The following HPCAL4 variants were observed in gnomAD, a reference collection of about 807,000 sequenced individuals.
HPCAL4 encodes hippocalcin like 4, also known as hippocalcin-like protein 4.
HPCAL4 carries 16 observed loss-of-function variants against 18.2 expected under a neutral mutation model. That is an observed-to-expected ratio of 0.88 (90% CI 0.59 to 1.33). The LOEUF is 1.33. Ranked by LOEUF, HPCAL4 falls within the 40% of genes most tolerant of loss-of-function variation. The probability of loss-of-function intolerance (pLI) is 0.00; values close to 1 mark genes in which losing one functional copy is unlikely to be tolerated. For synonymous variants in HPCAL4, 80 were observed against 97.5 expected, an observed-to-expected ratio of 0.82 and a Z score of 1.06; for missense variants, 214 against 256.6, an observed-to-expected ratio of 0.83 and a Z score of 1.14.
intron 1 of HPCAL4, among the ~76,000 whole-genome samples, chr1:39,686,816 A>G (rs1329092397): frequency 6.6e-6 from 1 of 152,132 alleles, no homozygotes; most frequent in Admixed American, 6.5e-5. Context: ...GTTTCCCAGG[A>G]CATGGCTTGG....
chr1:39,687,872 G>A (rs1185797481), intron 1 of HPCAL4, among the ~76,000 whole-genome samples: 1 of 151,536 alleles, frequency 6.6e-6, no homozygotes, highest in Non-Finnish European at 1.5e-5. Flanking sequence ...CACTGCACTC[G>A]AGCCTGGGCA....
In HPCAL4 at chr1:39,681,628, CT is replaced by C. The variant is rs1259363150; in HGVS notation, c.*907del. On this transcript the variant is annotated 3_prime_UTR_variant, in exon 4 of 4. Coordinates refer to ENST00000372844, the MANE Select transcript of HPCAL4 (RefSeq NM_016257.4). ...TCCCTTTCTTCTCAGGTTTTTTCCC[CT>C]TGAAAATTAATATTTTCTCTATTCA... The C allele has an allele frequency of 6.6e-6, 1 of 152,058 alleles. No individual in the cohort carries two copies. Among genetic ancestry groups the C allele is most frequent in the East Asian group, 1.9e-4 (1 of 5,194 alleles). 9.4% of individuals were successfully genotyped at this position (152,058 alleles called of 1,614,324 possible). A position where few individuals can be genotyped will look rare whatever the true frequency, so the allele number is the denominator to read the frequency against.
chr1:39,689,319 G>A (rs1557756222), intron 1 of HPCAL4, among the ~76,000 whole-genome samples: 1 of 152,038 alleles, frequency 6.6e-6, no homozygotes, highest in Non-Finnish European at 1.5e-5. Flanking sequence ...GCTCTGTGGA[G>A]ACGCAGTGGC....
chr1:39,683,918 C>A lies in HPCAL4; in HGVS notation c.378+19G>T, dbSNP rs1318494308. 3.6e-5 allele frequency: 58 copies of A among 1,605,680 alleles called. No individual in the cohort carries two copies. Among genetic ancestry groups the A allele is most frequent in the Non-Finnish European group, 4.8e-5 (56 of 1,175,208 alleles). The stretch of plus-strand genomic sequence containing the variant: ...GAAGCGCTGGCCTCGGGAACAGCAG[C>A]GCCCGCGCGGCCCCGCACCTCGATG... On this transcript the variant is annotated intron_variant, in intron 3 of 3. Transcript: ENST00000372844.
intron 1 of HPCAL4, among the ~76,000 whole-genome samples, chr1:39,690,887 A>G (rs1646712432): frequency 6.6e-6 from 1 of 151,662 alleles, no homozygotes; most frequent in African/African-American, 2.4e-5. Context: ...CTATCCGTGG[A>G]GGTGGGAGTT....
At chr1:39,682,964 A>G (rs760406130) in intron 3 of HPCAL4, among the ~76,000 whole-genome samples, 1 of 151,996 alleles carries the variant, frequency 6.6e-6, no homozygotes, top group Non-Finnish European at 1.5e-5. Flanking sequence ...GCTTACTGCA[A>G]CCTCTGCCTC....
At chr1:39,690,125 T>A (rs1646706657) in intron 1 of HPCAL4, among the ~76,000 whole-genome samples, 1 of 151,996 alleles carries the variant, frequency 6.6e-6, no homozygotes, top group South Asian at 2.1e-4. Context: ...CTTCAGTGAG[T>A]TCTAAACCAA....
rs1646621396 is a variant in HPCAL4, at chr1:39,680,974, T to C, written c.*1562A>G. On this transcript the variant is annotated 3_prime_UTR_variant, in exon 4 of 4. Coordinates refer to ENST00000372844, the MANE Select transcript of HPCAL4 (RefSeq NM_016257.4). ...CCCTGGGCTGACAGCACCTGTGTACTAGACTGTTTTCACCGGCAGTTCAAG... is the reference window on the plus strand; with the variant it reads ...CCCTGGGCTGACAGCACCTGTGTACCAGACTGTTTTCACCGGCAGTTCAAG... 1 of 152,692 alleles carries C rather than the reference T, an allele frequency of 6.5e-6. No homozygotes were observed. The allele number at this position is 152,692 out of a possible 1,614,324, so 9.5% of individuals were successfully genotyped here.
chr1:39,688,833 C>T (rs1200565139), intron 1 of HPCAL4, among the ~76,000 whole-genome samples: 1 of 152,214 alleles, frequency 6.6e-6, no homozygotes, highest in African/African-American at 2.4e-5. Context: ...AATCAGTCTT[C>T]AGGGCCTGGT....
intron 1 of HPCAL4, among the ~76,000 whole-genome samples, chr1:39,689,134 G>C (rs1433300796): frequency 6.6e-6 from 1 of 152,188 alleles, no homozygotes; most frequent in East Asian, 1.9e-4. Context: ...GTTGAAGCGT[G>C]AGAAAAGTTT....
chr1:39,684,678 C>G (rs1265956036), intron 1 of HPCAL4, 67 bp from the exon 2 acceptor site: 6 of 1,378,690 alleles, frequency 4.4e-6, no homozygotes, highest in Admixed American at 2.6e-5. Context: ...CAGCTGCCCC[C>G]TCCCCTGCCA....
Position 39,684,471 on chromosome 1 carries a change from G to T in HPCAL4, c.133C>A (p.Leu45Met). Residue 45 changes from leucine to methionine, a missense_variant, in exon 2 of 4, where the codon CTG (leucine) becomes ATG (methionine). By Grantham distance (15) the Leu-to-Met change is conservative. Coordinates refer to ENST00000372844, the MANE Select transcript of HPCAL4 (RefSeq NM_016257.4). Reference protein sequence around the residue: ...LKDCPSGILNLEEFQQLYIKF... With the variant: ...LKDCPSGILNMEEFQQLYIKF... ...ATGTAGAGCTGCTGAAACTCCTCCA[G>T]GTTGAGGATGCCGCTGGGGCAGTCC... The T allele has an allele frequency of 6.2e-7, 1 of 1,611,388 alleles. No individual in the cohort carries two copies.
Position 39,680,951 on chromosome 1 carries a change from C to G in HPCAL4, c.*1585G>C, listed in dbSNP as rs1646621146. The G allele has an allele frequency of 6.5e-6, 1 of 152,688 alleles. No individual in the cohort carries two copies. Among genetic ancestry groups the G allele is most frequent in the South Asian group, 2.1e-4 (1 of 4,832 alleles). 9.5% of individuals were successfully genotyped at this position (152,688 alleles called of 1,614,324 possible). ...TCAGCAATCATTTCCTGCTCCCACCCTGGGCTGACAGCACCTGTGTACTAG... is the reference window on the plus strand; with the variant it reads ...TCAGCAATCATTTCCTGCTCCCACCGTGGGCTGACAGCACCTGTGTACTAG... On this transcript the variant is annotated 3_prime_UTR_variant, in exon 4 of 4. Transcript: ENST00000372844.
chr1:39,684,677 C>G, intron 1 of HPCAL4, 66 bp from the exon 2 acceptor site: 1 of 1,378,230 alleles, frequency 7.3e-7, no homozygotes, highest in East Asian at 2.6e-5. Context: ...ACAGCTGCCC[C>G]CTCCCCTGCC....
chr1:39,678,918 C>T lies in HPCAL4; in HGVS notation c.*3618G>A, dbSNP rs569029166. 6.6e-6 allele frequency: 1 copy of T among 152,184 alleles called. No individual in the cohort carries two copies. The highest frequency in any genetic ancestry group is 1.9e-4 in the East Asian group (1 of 5,188). 9.4% of individuals were successfully genotyped at this position (152,184 alleles called of 1,614,324 possible). ...ACCCTGGCAGGCCCAGTCCTGCCCC[C>T]ACACTCTGGCAAAGGTAAAAAGAAA... On this transcript the variant is annotated 3_prime_UTR_variant, in exon 4 of 4. Coordinates refer to ENST00000372844, the MANE Select transcript of HPCAL4 (RefSeq NM_016257.4).
chr1:39,689,509 C>T (rs1646701830), intron 1 of HPCAL4, among the ~76,000 whole-genome samples: 1 of 152,332 alleles, frequency 6.6e-6, no homozygotes, highest in Admixed American at 6.5e-5. Context: ...GGGTTCACCC[C>T]AGGTCAACTA....
At position 39,683,978 on chromosome 1, in the gene HPCAL4, CG is replaced by C; in HGVS notation, c.336del (p.Asp113ThrfsTer23). ...NWAFEMYDLD[G>X]DGRITRLEML... The stretch of plus-strand genomic sequence containing the variant: ...ATCTCCAGGCGCGTGATGCGCCCGT[CG>C]CCGTCCAGGTCGTACATCTCAAAGG... On this transcript the variant is annotated frameshift_variant, in exon 3 of 4. Transcript: ENST00000372844. LOFTEE classifies it high-confidence loss of function. 6.2e-7 allele frequency: 1 copy of C among 1,613,932 alleles called. No individual in the cohort carries two copies.
In HPCAL4 at chr1:39,683,991, G is replaced by T. The variant is rs1646650242; in HGVS notation, c.324C>A (p.Tyr108Ter). The T allele has an allele frequency of 6.2e-7, 1 of 1,613,962 alleles. No individual in the cohort carries two copies. Among genetic ancestry groups the T allele is most frequent in the Non-Finnish European group, 8.5e-7 (1 of 1,179,902 alleles). Residue 108 changes from tyrosine (Y) to a stop codon, truncating the protein, a stop_gained, in exon 3 of 4, where the codon TAC becomes TAA. Coordinates refer to ENST00000372844, the MANE Select transcript of HPCAL4 (RefSeq NM_016257.4). LOFTEE classifies it high-confidence loss of function. ...EQKLNWAFEM[Y>*]DLDGDGRITR... ...TGATGCGCCCGTCGCCGTCCAGGTC[G>T]TACATCTCAAAGGCCCAGTTGAGCT...
rs967720197 is a variant in HPCAL4, at chr1:39,680,038, G to T, written c.*2498C>A. On this transcript the variant is annotated 3_prime_UTR_variant, in exon 4 of 4. Transcript: ENST00000372844. The stretch of plus-strand genomic sequence containing the variant: ...CTGAGCTGTTAGCACAGCTGCCAGA[G>T]GCAGAACACTGAGTGCTTGAAAATG... 2.0e-5 allele frequency: 3 copies of T among 152,676 alleles called. No individual in the cohort carries two copies. Among genetic ancestry groups the T allele is most frequent in the African/African-American group, 4.8e-5 (2 of 41,464 alleles). 9.5% of individuals were successfully genotyped at this position (152,676 alleles called of 1,614,324 possible).
Sources: gnomAD v4.1 joint callset for allele counts (sites outside exome capture counted in the v4.1 genomes callset) on GRCh38, gnomAD v4.1.1 for gene constraint, MANE v1.5 for transcripts, NCBI Gene and HGNC (gene_info 2026-07-23, HGNC 2026-07-21) for gene names.